The following ADPGK variants were observed in gnomAD, a reference collection of about 807,000 sequenced individuals.
ADPGK encodes the protein ADP-dependent glucokinase.
Under a neutral mutation model 42.4 loss-of-function variants are expected in ADPGK, and 26 were observed. The observed-to-expected ratio is 0.61, with a 90% CI of 0.45 to 0.85. ADPGK has a LOEUF of 0.85. ADPGK is among the 40% of genes least tolerant of loss of function. The pLI, the probability that ADPGK is intolerant of heterozygous loss-of-function variation, is 0.00. For synonymous variants in ADPGK, 267 were observed against 252.6 expected, an observed-to-expected ratio of 1.06 and a Z score of -0.54; for missense variants, 571 against 627.0, an observed-to-expected ratio of 0.91 and a Z score of 0.95.
At chr15:72,769,886 C>A (rs2066308234) in intron 3 of ADPGK, among the ~76,000 whole-genome samples, 1 of 152,168 alleles carries the variant, frequency 6.6e-6, no homozygotes, top group African/African-American at 2.4e-5. Flanking sequence ...AAAAAGACTT[C>A]CCTTATAGGG....
chr15:72,752,204 T>A lies in ADPGK; in HGVS notation c.*137A>T. On this transcript the variant is annotated 3_prime_UTR_variant, in exon 7 of 7. Transcript: ENST00000456471. ...TAAAATCTGAAATGTTTTTATGGAG[T>A]TGCCAACAGGCTGGAATGTACCTGA... 1 of 868,708 alleles carries A rather than the reference T, an allele frequency of 1.2e-6. No individual in the cohort carries two copies. The highest frequency in any genetic ancestry group is 1.7e-6 in the Non-Finnish European group (1 of 588,386). 53.8% of individuals were successfully genotyped at this position (868,708 alleles called of 1,614,324 possible).
intron 3 of ADPGK, among the ~76,000 whole-genome samples, chr15:72,768,006 A>G (rs148236455): frequency 2.0e-5 from 3 of 152,302 alleles, no homozygotes; most frequent in East Asian, 3.9e-4. Flanking sequence ...AAAAAGAGCA[A>G]TAAAATTTAT....
At chr15:72,766,077 T>C (rs981384697) in intron 3 of ADPGK, among the ~76,000 whole-genome samples, 2 of 152,192 alleles carry the variant, frequency 1.3e-5, no homozygotes, top group Non-Finnish European at 2.9e-5. Flanking sequence ...AGCCTCAAAC[T>C]CCTAGGCTTA....
At position 72,783,485 on chromosome 15, in the gene ADPGK, G is replaced by C; in HGVS notation, c.207C>G (p.Val69=). The change falls in exon 1 of 7, where the codon GTC becomes GTG. Residue 69 remains valine, a synonymous_variant. Transcript: ENST00000456471. ...AAWDALIVRP[V]RRWRRVAVGV... is the part of the protein sequence containing the mutation. The stretch of plus-strand genomic sequence containing the variant: ...CCACTGCCACGCGGCGCCAGCGCCG[G>C]ACTGGCCGCACGATAAGCGCGTCCC... 1 of 1,419,520 alleles carries C rather than the reference G, an allele frequency of 7.0e-7. No homozygotes were observed. The highest frequency in any genetic ancestry group is 1.5e-5 in the African/African-American group (1 of 67,012). The allele number at this position is 1,419,520 out of a possible 1,614,324, so 87.9% of individuals were successfully genotyped here.
At chr15:72,775,143 T>C (rs993768117) in intron 1 of ADPGK, 46 bp from the exon 2 acceptor site, 1 of 1,522,310 alleles carries the variant, frequency 6.6e-7, no homozygotes, top group South Asian at 1.1e-5. Context: ...AAGCACCAAG[T>C]AGCCATTTTG....
Position 72,752,079 on chromosome 15 carries a change from T to C in ADPGK, c.*262A>G. 1 of 447,930 alleles carries C rather than the reference T, an allele frequency of 2.2e-6. No homozygotes were observed. The highest frequency in any genetic ancestry group is 2.0e-5 in the African/African-American group (1 of 51,068). 27.7% of individuals were successfully genotyped at this position (447,930 alleles called of 1,614,324 possible). The stretch of plus-strand genomic sequence containing the variant: ...GTGAAGAAGTTTAGCTTAAAATACC[T>C]GATGGCGCTGCATAAACTGGGGATT... On this transcript the variant is annotated 3_prime_UTR_variant, in exon 7 of 7. Coordinates refer to ENST00000456471, the MANE Select transcript of ADPGK (RefSeq NM_001365225.1).
At chr15:72,774,417 C>T (rs188660787) in intron 2 of ADPGK, among the ~76,000 whole-genome samples, 2 of 152,272 alleles carry the variant, frequency 1.3e-5, no homozygotes, top group East Asian at 3.9e-4. Flanking sequence ...GTCTCCAGCC[C>T]CAGCACTGCC....
At chr15:72,774,409 C>G (rs529090978) in intron 2 of ADPGK, among the ~76,000 whole-genome samples, 1 of 152,284 alleles carries the variant, frequency 6.6e-6, no homozygotes, top group Admixed American at 6.5e-5. Context: ...ATGGTTGGGT[C>G]TCCAGCCCCA....
At chr15:72,779,244 GTTTTTTTTT>G (rs35321622) in intron 1 of ADPGK, among the ~76,000 whole-genome samples, 3 of 107,220 alleles carry the variant, frequency 2.8e-5, no homozygotes, top group African/African-American at 3.7e-5. Flanking sequence ...TAGCATGAGG[GTTTTTTTTT>G]TTTTTTTTTT....
chr15:72,759,669 A>C (rs776284348), intron 4 of ADPGK, among the ~76,000 whole-genome samples: 7 of 152,100 alleles, frequency 4.6e-5, no homozygotes, highest in Non-Finnish European at 7.4e-5. Flanking sequence ...TAGATGCTTG[A>C]GTCTTTAATG....
intron 2 of ADPGK, among the ~76,000 whole-genome samples, chr15:72,772,640 T>A (rs190314937): frequency 1.7e-4 from 26 of 152,270 alleles, no homozygotes; most frequent in East Asian, 1.5e-3. Context: ...ACTAGGTCCT[T>A]CGGGGCAGGG....
intron 5 of ADPGK, 76 bp from the exon 6 acceptor site, chr15:72,755,730 C>A: frequency 8.3e-7 from 1 of 1,201,264 alleles, no homozygotes; most frequent in South Asian, 1.3e-5. Flanking sequence ...AGATCAGATC[C>A]TGAGAGGCGG....
intron 3 of ADPGK, among the ~76,000 whole-genome samples, chr15:72,766,564 T>C (rs1438530391): frequency 6.6e-6 from 1 of 152,204 alleles, no homozygotes; most frequent in Non-Finnish European, 1.5e-5. Context: ...ACACTTTTTT[T>C]CAGACATAAT....
chr15:72,760,695 C>A (rs965815647), intron 3 of ADPGK, among the ~76,000 whole-genome samples, 168 bp from the exon 4 acceptor site: 1 of 152,106 alleles, frequency 6.6e-6, no homozygotes, highest in Non-Finnish European at 1.5e-5. Flanking sequence ...CGGCAGAAGG[C>A]ATGTCACCAG....
intron 1 of ADPGK, among the ~76,000 whole-genome samples, chr15:72,782,527 C>CAAAAA (rs5813692): frequency 0.092 from 5,584 of 60,552 alleles, 258 homozygotes; most frequent in African/African-American, 0.12. Flanking sequence ...ACCCTGTGTC[C>CAAAAA]AAAAAAAAAA....
intron 1 of ADPGK, among the ~76,000 whole-genome samples, chr15:72,780,641 T>C (rs1480106213): frequency 6.6e-6 from 1 of 151,934 alleles, no homozygotes; most frequent in African/African-American, 2.4e-5. Context: ...ACCAAGAATA[T>C]AAAAATTAGC....
At chr15:72,779,418 T>A (rs1478055907) in intron 1 of ADPGK, among the ~76,000 whole-genome samples, 1 of 152,006 alleles carries the variant, frequency 6.6e-6, no homozygotes, top group Non-Finnish European at 1.5e-5. Flanking sequence ...CTAATTTTTT[T>A]ATTTTTAGTA....
In ADPGK at chr15:72,755,616, T is replaced by C. The variant is rs777713591; in HGVS notation, c.879A>G (p.Pro293=). The C allele has an allele frequency of 3.1e-6, 5 of 1,613,954 alleles. No homozygotes were observed. In the South Asian group the frequency reaches 3.3e-5, roughly 11 times the overall value. ...TSISDIPTGI[P]VHLELASMTN... ...TCATACTGGCCAGCTCTAGGTGAACTGGAATACCAGTGGGGATGTCAGAAA... is the reference window on the plus strand; with the variant it reads ...TCATACTGGCCAGCTCTAGGTGAACCGGAATACCAGTGGGGATGTCAGAAA... The change falls in exon 6 of 7, where the codon CCA becomes CCG. Residue 293 remains proline (P), a synonymous_variant. Coordinates refer to ENST00000456471, the MANE Select transcript of ADPGK (RefSeq NM_001365225.1).
Position 72,751,986 on chromosome 15 carries a change from T to TG in ADPGK, c.*354dup, listed in dbSNP as rs372366364. ...CTTTCCTAGAGACCAGGATGTTGGG[T>TG]GAGTGGGCGTGCACTTCTCAAGTGG... On this transcript the variant is annotated 3_prime_UTR_variant, in exon 7 of 7. Coordinates refer to ENST00000456471, the MANE Select transcript of ADPGK (RefSeq NM_001365225.1). 3.4e-3 allele frequency: 745 copies of TG among 216,876 alleles called. 9 individuals are homozygous for TG. Among genetic ancestry groups the TG allele is most frequent in the African/African-American group, 0.017 (723 of 43,806 alleles). The allele number at this position is 216,876 out of a possible 1,614,324, so 13.4% of individuals were successfully genotyped here. A position where few individuals can be genotyped will look rare whatever the true frequency, so the allele number is the denominator to read the frequency against.
Sources: gnomAD v4.1 joint callset for allele counts (sites outside exome capture counted in the v4.1 genomes callset) on GRCh38, gnomAD v4.1.1 for gene constraint, MANE v1.5 for transcripts, NCBI Gene and HGNC (gene_info 2026-07-23, HGNC 2026-07-21) for gene names.